Variants in DOCK9 observed in about 807,000 individuals in gnomAD.
DOCK9 encodes the protein dedicator of cytokinesis protein 9.
A neutral mutation model predicts 263.3 loss-of-function variants in DOCK9; 89 were observed. The ratio of observed to expected loss-of-function variants is 0.34; its 90% CI spans 0.28 to 0.40. DOCK9 has a LOEUF of 0.40. DOCK9 is among the 10% of genes least tolerant of loss of function. The pLI is 1.00. For synonymous variants in DOCK9, 976 were observed against 973.1 expected (o/e 1.00, Z -0.06); for missense variants, 2,140 against 2,603.4 (o/e 0.82, Z 3.87).
chr13:98,962,582 T>C (rs1375857946), intron 1 of DOCK9, among the ~76,000 whole-genome samples: 2 of 151,858 alleles, frequency 1.3e-5, no homozygotes, highest in Admixed American at 1.3e-4. Context: ...TAAACACATA[T>C]TATAATAAAT....
At chr13:98,895,325 A>G (rs1402872053) in intron 15 of DOCK9, among the ~76,000 whole-genome samples, 3 of 152,108 alleles carry the variant, frequency 2.0e-5, no homozygotes, top group Non-Finnish European at 2.9e-5. Context: ...TCATAGCTAC[A>G]TAAGATAAAC....
chr13:98,976,797 C>T (rs931169030), intron 1 of DOCK9, among the ~76,000 whole-genome samples: 2 of 152,106 alleles, frequency 1.3e-5, no homozygotes, highest in Admixed American at 6.6e-5. Context: ...GGCAGTCTCA[C>T]GAGTCACAAA....
intron 49 of DOCK9, among the ~76,000 whole-genome samples, chr13:98,803,346 C>T (rs2090334997): frequency 6.6e-6 from 1 of 152,214 alleles, no homozygotes; most frequent in Non-Finnish European, 1.5e-5. Context: ...CCGTACACTG[C>T]CTTAACAATA....
At chr13:98,896,340 A>T (rs1173603656) in intron 15 of DOCK9, among the ~76,000 whole-genome samples, 1 of 152,190 alleles carries the variant, frequency 6.6e-6, no homozygotes, top group Non-Finnish European at 1.5e-5. Context: ...CTGTGTTTTC[A>T]GAACTTATTG....
At chr13:98,941,868 G>A (rs2055913957) in intron 2 of DOCK9, among the ~76,000 whole-genome samples, 1 of 152,196 alleles carries the variant, frequency 6.6e-6, no homozygotes, top group Admixed American at 6.5e-5. Flanking sequence ...GCAATGGAAG[G>A]GCAGTAGCAA....
chr13:98,808,764 A>C (rs1409183869), intron 47 of DOCK9: 1 of 818,270 alleles, frequency 1.2e-6, no homozygotes, highest in Non-Finnish European at 2.0e-6. Flanking sequence ...ATGTATTATA[A>C]TTTATACCAT....
chr13:99,045,026 G>C (rs9513541), intron 1 of DOCK9, among the ~76,000 whole-genome samples: 1 of 151,970 alleles, frequency 6.6e-6, no homozygotes, highest in Non-Finnish European at 1.5e-5. Context: ...AAGAGGATGT[G>C]GTGGAAAGGG....
intron 37 of DOCK9, chr13:98,847,291 T>C (rs1053189237): frequency 1.3e-5 from 2 of 152,442 alleles, no homozygotes; most frequent in African/African-American, 4.8e-5. Flanking sequence ...ATTTACTGTT[T>C]GCCCATCTTC....
chr13:99,086,160 C>T (rs1049127628), intron 1 of DOCK9: 22 of 1,418,796 alleles, frequency 1.6e-5, no homozygotes, highest in Admixed American at 2.9e-5. Context: ...GCGCCCGGCC[C>T]GGGGCCCGCA....
chr13:99,014,561 C>G (rs573273114), intron 1 of DOCK9, among the ~76,000 whole-genome samples: 1 of 152,314 alleles, frequency 6.6e-6, no homozygotes, highest in South Asian at 2.1e-4. Flanking sequence ...GCCAATACCC[C>G]CTTCTCAGTC....
At chr13:98,819,498 TACTC>T (rs1441301028) in intron 45 of DOCK9, among the ~76,000 whole-genome samples, 1 of 152,150 alleles carries the variant, frequency 6.6e-6, no homozygotes, top group African/African-American at 2.4e-5. Flanking sequence ...GATCACAGCT[TACTC>T]ACTCTCAGAC....
At chr13:98,795,571 G>A (rs1408825193) in intron 52 of DOCK9, among the ~76,000 whole-genome samples, 1 of 152,166 alleles carries the variant, frequency 6.6e-6, no homozygotes, top group African/African-American at 2.4e-5. Context: ...TTCAGCCTAT[G>A]ATCTCTTACT....
chr13:98,796,990 G>T, intron 52 of DOCK9, 125 bp downstream of exon 52: 1 of 979,722 alleles, frequency 1.0e-6, no homozygotes, highest in Non-Finnish European at 1.6e-6. Flanking sequence ...CAGGAGTGTG[G>T]TATGCTACAT....
At chr13:98,814,007 A>G (rs2091571419) in intron 45 of DOCK9, among the ~76,000 whole-genome samples, 2 of 152,166 alleles carry the variant, frequency 1.3e-5, no homozygotes. Flanking sequence ...CCTTCACAAT[A>G]CTGTAAATGA....
chr13:99,013,298 A>G (rs1284044474), intron 1 of DOCK9, among the ~76,000 whole-genome samples: 1 of 152,068 alleles, frequency 6.6e-6, no homozygotes, highest in Non-Finnish European at 1.5e-5. Context: ...TGTTGTTGGT[A>G]GAAACGAGGT....
intron 9 of DOCK9, among the ~76,000 whole-genome samples, chr13:98,908,125 T>C (rs879608203): frequency 1.9e-4 from 29 of 151,898 alleles, no homozygotes; most frequent in Non-Finnish European, 4.0e-4. Flanking sequence ...GAAAACAAGG[T>C]AAACAATGTG....
At chr13:98,972,025 T>C (rs1338628417) in intron 1 of DOCK9, among the ~76,000 whole-genome samples, 4 of 152,228 alleles carry the variant, frequency 2.6e-5, no homozygotes, top group South Asian at 2.1e-4. Flanking sequence ...GTGAATACGT[T>C]CATTTTTGTT....
chr13:98,885,346 G>A (rs1439736232), intron 20 of DOCK9: 2 of 548,692 alleles, frequency 3.6e-6, no homozygotes, highest in East Asian at 3.8e-5. Flanking sequence ...GCTCACACCT[G>A]TAATCCCAGC....
At chr13:98,815,114 C>T (rs1163447098) in intron 45 of DOCK9, among the ~76,000 whole-genome samples, 3 of 151,948 alleles carry the variant, frequency 2.0e-5, no homozygotes, top group Non-Finnish European at 2.9e-5. Context: ...GTAATATTAA[C>T]GATATTACTA....
Sources: gnomAD v4.1 joint callset for allele counts (sites outside exome capture counted in the v4.1 genomes callset) on GRCh38, gnomAD v4.1.1 for gene constraint, MANE v1.5 for transcripts, NCBI Gene and HGNC (gene_info 2026-07-23, HGNC 2026-07-21) for gene names.